Variants in PACSIN1 observed in about 807,000 individuals in gnomAD.
PACSIN1 encodes protein kinase C and casein kinase substrate in neurons protein 1.
A neutral mutation model predicts 59.5 loss-of-function variants in PACSIN1; 15 were observed. The observed-to-expected ratio is 0.25, with a 90% CI of 0.17 to 0.39. The LOEUF (loss-of-function observed/expected upper bound fraction) is 0.39, where lower values mean the gene tolerates loss of function less well. PACSIN1 is among the 10% of genes least tolerant of loss of function. The probability of loss-of-function intolerance (pLI) is 1.00; values close to 1 mark genes in which losing one functional copy is unlikely to be tolerated. For synonymous variants in PACSIN1, 210 were observed against 220.6 expected (o/e 0.95, Z 0.42); for missense variants, 420 against 580.2 (o/e 0.72, Z 2.84).
chr6:34,499,273 G>A (rs1472094136), intron 1 of PACSIN1, among the ~76,000 whole-genome samples: 1 of 151,692 alleles, frequency 6.6e-6, no homozygotes, highest in African/African-American at 2.4e-5. Flanking sequence ...TGCCAGACAG[G>A]AGGCAGAGCT....
At chr6:34,526,780 C>T (rs1015659941) in intron 2 of PACSIN1, among the ~76,000 whole-genome samples, 1 of 152,104 alleles carries the variant, frequency 6.6e-6, no homozygotes, top group African/African-American at 2.4e-5. Context: ...GGCCGCAGAG[C>T]GGGAGGCACA....
At chr6:34,506,449 A>T (rs974097424) in intron 1 of PACSIN1, among the ~76,000 whole-genome samples, 1 of 152,204 alleles carries the variant, frequency 6.6e-6, no homozygotes, top group Admixed American at 6.5e-5. Flanking sequence ...TCCTGGCCTC[A>T]AGTGATCCTC....
chr6:34,486,011 G>T (rs1324914880), intron 1 of PACSIN1, among the ~76,000 whole-genome samples: 2 of 152,152 alleles, frequency 1.3e-5, no homozygotes, highest in African/African-American at 4.8e-5. Flanking sequence ...GGTCTAGGGG[G>T]CCCTTTTGAC....
At chr6:34,497,279 T>C (rs61316456) in intron 1 of PACSIN1, among the ~76,000 whole-genome samples, 2,476 of 152,104 alleles carry the variant, frequency 0.016, 54 homozygotes, top group African/African-American at 0.053. Context: ...TTGTTGAGAT[T>C]AAAGGAGATA....
At chr6:34,499,630 C>T (rs531644169) in intron 1 of PACSIN1, among the ~76,000 whole-genome samples, 1 of 151,886 alleles carries the variant, frequency 6.6e-6, no homozygotes, top group East Asian at 1.9e-4. Flanking sequence ...CCCATCCCTA[C>T]TAAAAATACA....
intron 1 of PACSIN1, among the ~76,000 whole-genome samples, chr6:34,473,604 G>C (rs1332982663): frequency 6.6e-6 from 1 of 152,186 alleles, no homozygotes; most frequent in Non-Finnish European, 1.5e-5. Context: ...AGGGCTGGAG[G>C]GCTGGGGGTT....
At chr6:34,504,244 T>TTG (rs1767068961) in intron 1 of PACSIN1, among the ~76,000 whole-genome samples, 1 of 126,284 alleles carries the variant, frequency 7.9e-6, no homozygotes, top group African/African-American at 3.0e-5. Context: ...TCAGACAATG[T>TTG]TATGTGTGTG....
intron 1 of PACSIN1, among the ~76,000 whole-genome samples, chr6:34,490,182 C>A (rs1422828875): frequency 1.3e-5 from 2 of 150,554 alleles, no homozygotes; most frequent in Non-Finnish European, 3.0e-5. Context: ...TCTTGAGTAG[C>A]TGGGACAACA....
At chr6:34,497,902 T>C (rs1411167541) in intron 1 of PACSIN1, among the ~76,000 whole-genome samples, 2 of 152,172 alleles carry the variant, frequency 1.3e-5, no homozygotes, top group Non-Finnish European at 2.9e-5. Flanking sequence ...CAGAGACTAA[T>C]ACAATTGGGA....
chr6:34,509,056 G>C (rs902577040), intron 1 of PACSIN1, among the ~76,000 whole-genome samples: 2 of 152,120 alleles, frequency 1.3e-5, no homozygotes. Flanking sequence ...TGTTGCCTGT[G>C]CTTTTGATGT....
At chr6:34,520,401 G>A (rs984055795) in intron 1 of PACSIN1, among the ~76,000 whole-genome samples, 2 of 152,198 alleles carry the variant, frequency 1.3e-5, no homozygotes, top group African/African-American at 2.4e-5. Flanking sequence ...AGCCTGTTCC[G>A]TGGGGAGAAG....
At chr6:34,519,966 G>T (rs1434186055) in intron 1 of PACSIN1, among the ~76,000 whole-genome samples, 1 of 152,142 alleles carries the variant, frequency 6.6e-6, no homozygotes, top group Non-Finnish European at 1.5e-5. Context: ...TGGCACCACA[G>T]TGTTGGTGTC....
intron 1 of PACSIN1, among the ~76,000 whole-genome samples, chr6:34,510,505 A>G (rs1767184529): frequency 6.6e-6 from 1 of 152,074 alleles, no homozygotes. Context: ...CCACCCAACC[A>G]TTCAGCTGTG....
rs1421422942 is a variant in PACSIN1, at chr6:34,515,260, ATCC to A, written c.-63-10977_-63-10975del. Among the ~76,000 whole-genome samples the A allele has an allele frequency of 1.3e-5, 2 of 152,046 alleles. No homozygotes were observed. Among genetic ancestry groups the A allele is most frequent in the Admixed American group, 1.3e-4 (2 of 15,270 alleles). On this transcript the variant is annotated intron_variant, in intron 1 of 9. Transcript: ENST00000244458. This position sits in a 1 kb window ranked among gnomAD's most constrained non-coding sequence, Gnocchi z 4.4. ...TCTTGTCAGAACCGTCAGAACCTTG[ATCC>A]TCCTCATCAGGGGGACTGTCCCTGT...
chr6:34,496,929 T>C (rs1317689289), intron 1 of PACSIN1, among the ~76,000 whole-genome samples: 2 of 143,404 alleles, frequency 1.4e-5, no homozygotes, highest in Non-Finnish European at 3.0e-5. Context: ...ATGCATCTCT[T>C]TCTCTCTCTC....
rs1581982458 is a variant in PACSIN1, at chr6:34,521,122, C to T, written c.-63-5121C>T. On this transcript the variant is annotated intron_variant, in intron 1 of 9. Coordinates refer to ENST00000244458, the MANE Select transcript of PACSIN1 (RefSeq NM_020804.5). The surrounding 1 kb of genome is among the most constrained non-coding windows in gnomAD (Gnocchi z 4.3). ...GGCAGATAACCAGACAGATAAACAC[C>T]GCTGACTGGACTAAGTGACATTCCT... Among the ~76,000 whole-genome samples, 1 of 152,336 alleles carries T rather than the reference C, an allele frequency of 6.6e-6. No individual in the cohort carries two copies. Among genetic ancestry groups the T allele is most frequent in the African/African-American group, 2.4e-5 (1 of 41,576 alleles).
intron 1 of PACSIN1, among the ~76,000 whole-genome samples, chr6:34,485,686 G>A (rs930266927): frequency 5.9e-5 from 9 of 152,216 alleles, no homozygotes; most frequent in African/African-American, 2.2e-4. Flanking sequence ...GATCCCAGAG[G>A]GAGTAGACGT....
In PACSIN1 at chr6:34,528,744, A is replaced by G; in HGVS notation, c.323A>G (p.Glu108Gly). 1.2e-6 allele frequency: 2 copies of G among 1,614,140 alleles called. 1 individual carries two copies. ...HQEVKNNLLN[E>G]DLEKVKNWQK... is the part of the protein sequence containing the mutation. The stretch of plus-strand genomic sequence containing the variant: ...GAGGTGAAGAACAATCTGCTGAATG[A>G]GGACCTGGAGAAGGTGAAGAACTGG... Residue 108 changes from glutamate to glycine, a missense_variant, in exon 4 of 10, where the codon GAG becomes GGG. Glu to Gly is a moderately conservative substitution (Grantham distance 98, BLOSUM62 -2). Transcript: ENST00000244458.
intron 1 of PACSIN1, among the ~76,000 whole-genome samples, chr6:34,469,734 C>T (rs1431851192): frequency 6.6e-6 from 1 of 152,212 alleles, no homozygotes; most frequent in Non-Finnish European, 1.5e-5. Flanking sequence ...CTGAGGTCGC[C>T]TGCTGACAGC....
Sources: allele counts gnomAD v4.1 joint callset (sites outside exome capture counted in the v4.1 genomes callset), GRCh38; gene constraint gnomAD v4.1.1; non-coding constraint Gnocchi (gnomAD v3.1); transcripts MANE v1.5; gene names NCBI Gene and HGNC (gene_info 2026-07-23, HGNC 2026-07-21).